SCN8A: variants seen among roughly 807,000 people sequenced by gnomAD.
SCN8A encodes the protein sodium channel protein type 8 subunit alpha.
A neutral mutation model predicts 184.1 loss-of-function variants in SCN8A; 30 were observed. The ratio of observed to expected loss-of-function variants is 0.16; its 90% CI spans 0.12 to 0.22. The LOEUF (loss-of-function observed/expected upper bound fraction) is 0.22. Ranked by LOEUF, SCN8A falls within the 10% of genes least tolerant of loss-of-function variation. The pLI is 1.00. For synonymous variants in SCN8A, 852 were observed against 907.0 expected (o/e 0.94, Z 1.09); for missense variants, 1,057 against 2,498.9 (o/e 0.42, Z 12.30).
In SCN8A at chr12:51,668,183, C is replaced by CA. The variant is rs10535000; in HGVS notation, c.276+5107dup. Among the ~76,000 whole-genome samples, 101 of 140,468 alleles carry CA rather than the reference C, an allele frequency of 7.2e-4. 1 individual carries two copies. The highest frequency in any genetic ancestry group is 2.9e-3 in the Admixed American group (41 of 14,270). The allele number at this position is 140,468 out of a possible 152,430, so 92.2% of individuals were successfully genotyped here. On this transcript the variant is annotated intron_variant, in intron 2 of 26. Coordinates refer to ENST00000627620, the MANE Select transcript of SCN8A (RefSeq NM_001330260.2). ...GGGCAACAAGAGTGAAACTCCATCTCAAAAAAAAAAAAAAAAATTATATAT... is the reference window on the plus strand; with the variant it reads ...GGGCAACAAGAGTGAAACTCCATCTCAAAAAAAAAAAAAAAAAATTATATAT...
intron 11 of SCN8A, among the ~76,000 whole-genome samples, chr12:51,717,734 A>G (rs1328286144): frequency 6.6e-6 from 1 of 152,234 alleles, no homozygotes; most frequent in Non-Finnish European, 1.5e-5. Context: ...CTCAGTCAAC[A>G]TTCTGGAATC....
At chr12:51,749,341 C>A (rs1942560608) in intron 13 of SCN8A, among the ~76,000 whole-genome samples, 1 of 152,232 alleles carries the variant, frequency 6.6e-6, no homozygotes, top group East Asian at 1.9e-4. Context: ...GACTCAAGAC[C>A]TAGTTCATTT....
intron 6 of SCN8A, among the ~76,000 whole-genome samples, chr12:51,691,988 T>C (rs1941517613): frequency 2.0e-5 from 3 of 152,178 alleles, no homozygotes; most frequent in Non-Finnish European, 4.4e-5. Context: ...GGCCATCTCT[T>C]GCTTGGAAGT....
In SCN8A at chr12:51,810,768, G is replaced by C. The variant is rs1938867440; in HGVS notation, c.*3339G>C. On this transcript the variant is annotated 3_prime_UTR_variant, in exon 27 of 27. Transcript: ENST00000627620. ...TTAACCTCCTTGTTGCTTAGGATGA[G>C]GAGACTCTGTAATTTAAAGCAGAGG... is the stretch of plus-strand genomic sequence containing the variant. The C allele has an allele frequency of 6.6e-6, 1 of 152,660 alleles. No individual in the cohort carries two copies. Among genetic ancestry groups the C allele is most frequent in the African/African-American group, 2.4e-5 (1 of 41,414 alleles). The allele number at this position is 152,660 out of a possible 1,614,324, so 9.5% of individuals were successfully genotyped here.
intron 14 of SCN8A, among the ~76,000 whole-genome samples, chr12:51,760,724 G>C (rs1942750285): frequency 6.6e-6 from 1 of 152,048 alleles, no homozygotes; most frequent in East Asian, 1.9e-4. Context: ...TGCTTAACTT[G>C]TATTATGAAC....
chr12:51,695,076 C>T (rs989453567), intron 6 of SCN8A, among the ~76,000 whole-genome samples: 2 of 152,156 alleles, frequency 1.3e-5, no homozygotes, highest in Non-Finnish European at 2.9e-5. Context: ...GAAGCCGCAT[C>T]ACCTTTCTTC....
At chr12:51,691,422 A>G (rs959623445) in intron 6 of SCN8A, among the ~76,000 whole-genome samples, 20 of 151,808 alleles carry the variant, frequency 1.3e-4, no homozygotes, top group African/African-American at 4.8e-4. Flanking sequence ...TTAATATGTC[A>G]TGTTATTTAT....
rs1039642221 is a variant in SCN8A at position 51,712,907 on chromosome 12, C to T, written c.1635+6192C>T. ...TTTCCACCACGGCCAAAATTACCTC[C>T]ACCACCTCCAAAGCTTCCTCCGCAA... On this transcript the variant is annotated intron_variant, in intron 11 of 26. Transcript: ENST00000627620. 19 of 1,584,292 alleles carry T rather than the reference C, an allele frequency of 1.2e-5. No individual in the cohort carries two copies. In the African/African-American group the frequency reaches 1.9e-4, roughly 16 times the overall value.
chr12:51,609,157 T>C (rs951833692), intron 1 of SCN8A, among the ~76,000 whole-genome samples: 1 of 152,240 alleles, frequency 6.6e-6, no homozygotes, highest in African/African-American at 2.4e-5. Context: ...GCCCATCATA[T>C]GGTCTCTCTT....
chr12:51,651,022 C>A (rs1249085720), intron 1 of SCN8A, among the ~76,000 whole-genome samples: 1 of 152,258 alleles, frequency 6.6e-6, no homozygotes, highest in African/African-American at 2.4e-5. Flanking sequence ...GGCTAGTTAA[C>A]TGCAGCAGCA....
intron 12 of SCN8A, among the ~76,000 whole-genome samples, chr12:51,735,113 C>A (rs755711586): frequency 2.0e-5 from 3 of 152,200 alleles, no homozygotes; most frequent in Non-Finnish European, 4.4e-5. Context: ...GCTCCCACAA[C>A]GAGCCCTATC....
At chr12:51,797,197 T>A (rs1938436533) in intron 26 of SCN8A, among the ~76,000 whole-genome samples, 1 of 152,204 alleles carries the variant, frequency 6.6e-6, no homozygotes, top group East Asian at 1.9e-4. Flanking sequence ...AATAAGGTCC[T>A]AATTACGCCT....
chr12:51,720,075 CAAA>C (rs397944526), intron 11 of SCN8A, among the ~76,000 whole-genome samples: 2 of 85,500 alleles, frequency 2.3e-5, no homozygotes, highest in Non-Finnish European at 4.2e-5. Flanking sequence ...GACTCCGTCT[CAAA>C]AAAAAAAAAA....
At chr12:51,650,898 C>G (rs1180739903) in intron 1 of SCN8A, among the ~76,000 whole-genome samples, 1 of 152,140 alleles carries the variant, frequency 6.6e-6, no homozygotes, top group Non-Finnish European at 1.5e-5. Flanking sequence ...GAGATTTACC[C>G]ATGTATTTAT....
intron 15 of SCN8A, among the ~76,000 whole-genome samples, chr12:51,763,869 T>C (rs1249363376): frequency 1.3e-5 from 2 of 152,350 alleles, no homozygotes; most frequent in East Asian, 3.9e-4. Context: ...AGTTTCTTCA[T>C]TGAGATATTC....
At chr12:51,761,720 C>T (rs953042920) in intron 14 of SCN8A, among the ~76,000 whole-genome samples, 2 of 151,972 alleles carry the variant, frequency 1.3e-5, no homozygotes, top group Non-Finnish European at 2.9e-5. Flanking sequence ...AACTCCTGGA[C>T]TCAAGTGATC....
intron 1 of SCN8A, among the ~76,000 whole-genome samples, chr12:51,653,683 C>A (rs1216355145): frequency 6.6e-6 from 1 of 152,084 alleles, no homozygotes; most frequent in Non-Finnish European, 1.5e-5. Flanking sequence ...GCTTTCAGTT[C>A]TTTTGGAATT....
At position 51,641,726 on chromosome 12, in the gene SCN8A, T is replaced by C. The variant is rs76904469; in HGVS notation, c.-54-21038T>C. ...TCTTATCCACTGTGCGGAAAGGCAG[T>C]GTGTTATAGAAAATCACTGGGGCGG... On this transcript the variant is annotated intron_variant, in intron 1 of 26. Coordinates refer to ENST00000627620, the MANE Select transcript of SCN8A (RefSeq NM_001330260.2). Among the ~76,000 whole-genome samples, 521 of 152,344 alleles carry C rather than the reference T, an allele frequency of 3.4e-3. 1 individual carries two copies. Among genetic ancestry groups the C allele is most frequent in the African/African-American group, 0.012 (492 of 41,582 alleles).
chr12:51,632,102 A>G (rs1177806061), intron 1 of SCN8A, among the ~76,000 whole-genome samples: 1 of 152,186 alleles, frequency 6.6e-6, no homozygotes, highest in African/African-American at 2.4e-5. Context: ...CTGGCTGGCC[A>G]GGTTTTGTTG....
Sources: allele counts gnomAD v4.1 joint callset (sites outside exome capture counted in the v4.1 genomes callset), GRCh38; gene constraint gnomAD v4.1.1; transcripts MANE v1.5; gene names NCBI Gene and HGNC (gene_info 2026-07-23, HGNC 2026-07-21).